The following LRRC8C variants were observed in gnomAD, a reference collection of about 807,000 sequenced individuals.
LRRC8C encodes the protein volume-regulated anion channel subunit LRRC8C.
A neutral mutation model predicts 55.3 loss-of-function variants in LRRC8C; 20 were observed. The observed-to-expected ratio is 0.36, with a 90% CI of 0.25 to 0.53. The LOEUF is 0.53. Among genes scored for constraint, LRRC8C ranks in the 20% least tolerant of loss-of-function variants. LRRC8C has a pLI of 0.92. For synonymous variants in LRRC8C, 376 were observed against 360.7 expected (o/e 1.04, Z -0.48); for missense variants, 659 against 951.4 (o/e 0.69, Z 4.04).
chr1:89,709,748 T>G (rs1658591258), intron 2 of LRRC8C, among the ~76,000 whole-genome samples: 1 of 91,936 alleles, frequency 1.1e-5, no homozygotes, highest in South Asian at 3.4e-4. Context: ...GTGGTTTTTT[T>G]TTGTTTGTTT....
intron 2 of LRRC8C, among the ~76,000 whole-genome samples, chr1:89,699,997 T>C (rs1658274940): frequency 6.6e-6 from 1 of 152,230 alleles, no homozygotes. Flanking sequence ...CAACGAGTGC[T>C]TTCTTTGTCC....
intron 2 of LRRC8C, among the ~76,000 whole-genome samples, chr1:89,694,608 G>C (rs1318804279): frequency 2.0e-4 from 2 of 10,252 alleles, no homozygotes; most frequent in Non-Finnish European, 4.0e-4. Context: ...TTTTTTTTTT[G>C]AGATGGAGTC....
At chr1:89,630,957 G>T (rs1656091026), upstream of LRRC8C, among the ~76,000 whole-genome samples, 1 of 152,198 alleles carries the variant, frequency 6.6e-6, no homozygotes, top group South Asian at 2.1e-4. Flanking sequence ...TACACGTGAA[G>T]AACTACCCAG....
intron 2 of LRRC8C, among the ~76,000 whole-genome samples, chr1:89,696,941 A>T (rs1266897551): frequency 6.6e-6 from 1 of 152,152 alleles, no homozygotes; most frequent in African/African-American, 2.4e-5. Flanking sequence ...AATGTGTGGA[A>T]CCTGTCTTAT....
In LRRC8C at chr1:89,716,426, C is replaced by A. The variant is rs946226249; in HGVS notation, c.*1444C>A. ...CTCTGGCTTAAAATATGTATCTCAT[C>A]TAAAATTGTTCGTTAAAGTGTGAAT... On this transcript the variant is annotated 3_prime_UTR_variant, in exon 3 of 3. Transcript: ENST00000370454. 3.3e-5 allele frequency: 5 copies of A among 152,190 alleles called. No homozygotes were observed. The highest frequency in any genetic ancestry group is 1.2e-4 in the African/African-American group (5 of 41,446). The allele number at this position is 152,190 out of a possible 1,614,324, so 9.4% of individuals were successfully genotyped here. A position where few individuals can be genotyped will look rare whatever the true frequency, so the allele number is the denominator to read the frequency against.
At chr1:89,692,097 C>T (rs1045183292) in intron 2 of LRRC8C, among the ~76,000 whole-genome samples, 3 of 152,094 alleles carry the variant, frequency 2.0e-5, no homozygotes, top group African/African-American at 7.2e-5. Flanking sequence ...TATGATAATC[C>T]ACTAAAAATG....
Position 89,714,407 on chromosome 1 carries a change from A to G in LRRC8C, c.1837A>G (p.Ser613Gly). Residue 613 changes from serine to glycine, a missense_variant, in exon 3 of 3, where the codon AGC (serine) becomes GGC (glycine). By Grantham distance (56) the Ser-to-Gly change is moderately conservative. Transcript: ENST00000370454. The surrounding 1 kb of genome is among the most constrained non-coding windows in gnomAD (Gnocchi z 4.6). ...TCCTCATGCTGTGTTCAGCCTACTC[A>G]GCCTCCAGGAATTGGACCTGAAGGA... Reference protein sequence around the residue: ...RIPHAVFSLLSLQELDLKENN... With the variant: ...RIPHAVFSLLGLQELDLKENN... 1 of 1,614,186 alleles carries G rather than the reference A, an allele frequency of 6.2e-7. No individual in the cohort carries two copies. Among genetic ancestry groups the G allele is most frequent in the Non-Finnish European group, 8.5e-7 (1 of 1,180,022 alleles).
chr1:89,694,919 A>G (rs1292412129), intron 2 of LRRC8C, among the ~76,000 whole-genome samples: 2 of 148,340 alleles, frequency 1.3e-5, no homozygotes, highest in African/African-American at 5.1e-5. Context: ...ATAAAAGTAT[A>G]AAGACTTTTT....
the LRRC8C span, among the ~76,000 whole-genome samples, chr1:89,616,509 A>C: frequency 6.6e-6 from 1 of 152,232 alleles, no homozygotes; most frequent in Non-Finnish European, 1.5e-5. Flanking sequence ...ACATTGAAGA[A>C]GGAGGTTGCA....
At position 89,691,134 on chromosome 1, in the gene LRRC8C, A is replaced by G. The variant is rs115765661; in HGVS notation, c.138+4523A>G. On this transcript the variant is annotated intron_variant, in intron 2 of 2. Coordinates refer to ENST00000370454, the MANE Select transcript of LRRC8C (RefSeq NM_032270.5). ...TTAGATGCTAAAAGAAAAACAGCAC[A>G]GCCCATGCCTTCAGATTGCTAATTG... Among the ~76,000 whole-genome samples the G allele has an allele frequency of 6.0e-3, 917 of 152,340 alleles. 11 individuals are homozygous for G. The highest frequency in any genetic ancestry group is 0.021 in the African/African-American group (883 of 41,582).
intron 2 of LRRC8C, among the ~76,000 whole-genome samples, chr1:89,705,795 A>C (rs1045150310): frequency 1.3e-5 from 2 of 152,104 alleles, no homozygotes; most frequent in African/African-American, 4.8e-5. Flanking sequence ...AAATAAATAA[A>C]TGGTTTTTTT....
At chr1:89,651,408 A>G (rs1656773143) in intron 1 of LRRC8C, among the ~76,000 whole-genome samples, 4 of 151,980 alleles carry the variant, frequency 2.6e-5, no homozygotes, top group Admixed American at 2.0e-4. Context: ...CTCTGCTGAA[A>G]GTACAAAAAA....
At chr1:89,683,693 T>C (rs1007274495) in intron 1 of LRRC8C, among the ~76,000 whole-genome samples, 1 of 152,162 alleles carries the variant, frequency 6.6e-6, no homozygotes, top group African/African-American at 2.4e-5. Flanking sequence ...AAAAGTTGTT[T>C]GATAGAGTTT....
chr1:89,711,002 A>G (rs180755899), intron 2 of LRRC8C, among the ~76,000 whole-genome samples: 145 of 152,342 alleles, frequency 9.5e-4, no homozygotes, highest in Non-Finnish European at 1.8e-3. Context: ...TAAGATGGCA[A>G]TTAATAGAAT....
chr1:89,681,074 A>G (rs1400870146), intron 1 of LRRC8C, among the ~76,000 whole-genome samples: 2 of 152,250 alleles, frequency 1.3e-5, no homozygotes, highest in Non-Finnish European at 2.9e-5. Flanking sequence ...AAATAGAAAA[A>G]TGTTTAACTA....
chr1:89,714,873 C>G lies in LRRC8C; in HGVS notation c.2303C>G (p.Pro768Arg), dbSNP rs765927037. Reference protein sequence around the residue: ...DVKGNHFEILPPELGDCRALK... With the variant: ...DVKGNHFEILRPELGDCRALK... ...AAAGGTAATCACTTTGAAATCCTCC[C>G]TCCTGAACTGGGTGACTGTCGGGCT... Residue 768 changes from proline (P) to arginine (R), a missense_variant, in exon 3 of 3, where the codon CCT (proline) becomes CGT (arginine). Pro to Arg is a moderately radical substitution (Grantham distance 103). Around this residue, in one of 5 missense-constraint regions of LRRC8C, gnomAD observed 344 missense variants for 464.6 expected, o/e 0.74. Transcript: ENST00000370454. This position sits in a 1 kb window ranked among gnomAD's most constrained non-coding sequence, Gnocchi z 4.6. 1 of 1,614,148 alleles carries G rather than the reference C, an allele frequency of 6.2e-7. No homozygotes were observed. The highest frequency in any genetic ancestry group is 2.2e-5 in the East Asian group (1 of 44,884).
At chr1:89,617,002 C>T in the LRRC8C span, among the ~76,000 whole-genome samples, 2 of 152,166 alleles carry the variant, frequency 1.3e-5, no homozygotes, top group African/African-American at 4.8e-5. Flanking sequence ...CTTCTCTTTC[C>T]TTTCCCTCTG....
At position 89,690,595 on chromosome 1, in the gene LRRC8C, G is replaced by T. The variant is rs558916306; in HGVS notation, c.138+3984G>T. On this transcript the variant is annotated intron_variant, in intron 2 of 2. Transcript: ENST00000370454. The stretch of plus-strand genomic sequence containing the variant: ...ATCTTTTAGAATAAATAGTTAACTT[G>T]CAATGAAATGAATGAAAATAAGAGT... Among the ~76,000 whole-genome samples, 11 of 152,264 alleles carry T rather than the reference G, an allele frequency of 7.2e-5. No homozygotes were observed. In the East Asian group the frequency reaches 2.1e-3, roughly 29 times the overall value.
chr1:89,668,499 A>C (rs557980840), intron 1 of LRRC8C, among the ~76,000 whole-genome samples: 2 of 152,238 alleles, frequency 1.3e-5, no homozygotes, highest in Non-Finnish European at 2.9e-5. Context: ...TTTAGGCTAC[A>C]GTGTTCAAGT....
Sources: allele counts gnomAD v4.1 joint callset (sites outside exome capture counted in the v4.1 genomes callset), GRCh38; gene constraint gnomAD v4.1.1; regional missense constraint gnomAD v4.1.1; non-coding constraint Gnocchi (gnomAD v3.1); transcripts MANE v1.5; gene names NCBI Gene and HGNC (gene_info 2026-07-23, HGNC 2026-07-21).